Variants in KRABD3 observed in about 807,000 individuals in gnomAD.
The protein encoded by KRABD3 is KRAB domain containing 3.
At chr7:149,717,472 A>G in the KRABD3 span, among the ~76,000 whole-genome samples, 1 of 152,240 alleles carries the variant, frequency 6.6e-6, no homozygotes, top group Non-Finnish European at 1.5e-5. Flanking sequence ...CCAAGATGCT[A>G]GGAAGAAATG....
the KRABD3 span, chr7:149,729,303 C>T: frequency 3.7e-6 from 6 of 1,601,228 alleles, no homozygotes; most frequent in South Asian, 6.8e-5. Context: ...GCGTCCCCGC[C>T]TGCCACCAGC....
At chr7:149,723,759 T>A in the KRABD3 span, 1 of 1,613,736 alleles carries the variant, frequency 6.2e-7, no homozygotes, top group East Asian at 2.2e-5. Context: ...TTTCAGGGGA[T>A]TGTCCCCTCC....
chr7:149,715,286 C>T, the KRABD3 span: 28 of 1,220,558 alleles, frequency 2.3e-5, no homozygotes, highest in African/African-American at 4.2e-4. Flanking sequence ...GGGGAAACCC[C>T]CTTGGCGTGG....
At chr7:149,721,897 A>C in the KRABD3 span, 2 of 426,408 alleles carry the variant, frequency 4.7e-6, no homozygotes, top group East Asian at 5.5e-5. Context: ...AGCAACCCTA[A>C]CTGCAGAGCA....
At chr7:149,728,658 G>A in the KRABD3 span, 1 of 1,613,546 alleles carries the variant, frequency 6.2e-7, no homozygotes, top group Non-Finnish European at 8.5e-7. Flanking sequence ...CCCAGGAACT[G>A]GACAGCAGAC....
At chr7:149,721,587 T>C in the KRABD3 span, 1 of 1,583,290 alleles carries the variant, frequency 6.3e-7, no homozygotes, top group Non-Finnish European at 8.6e-7. Context: ...AAAGCCCTGA[T>C]CGTGGCGTCA....
chr7:149,721,185 T>C, the KRABD3 span, among the ~76,000 whole-genome samples: 1 of 152,192 alleles, frequency 6.6e-6, no homozygotes, highest in Non-Finnish European at 1.5e-5. Flanking sequence ...AGCTCTGACT[T>C]TCGCATGGTG....
At chr7:149,730,561 C>A in the KRABD3 span, 5 of 1,611,674 alleles carry the variant, frequency 3.1e-6, no homozygotes, top group Non-Finnish European at 3.4e-6. Flanking sequence ...GCAGCGGCCT[C>A]GGTGCAGGTG....
chr7:149,730,755 CT>C, the KRABD3 span: 1 of 734,536 alleles, frequency 1.4e-6, no homozygotes. Context: ...GCTGGGGGTG[CT>C]GGTGAGCAGC....
chr7:149,721,545 A>G, the KRABD3 span: 3 of 1,610,322 alleles, frequency 1.9e-6, no homozygotes, highest in South Asian at 3.3e-5. Context: ...AGTGAGTCTG[A>G]CACAGCAGGG....
the KRABD3 span, chr7:149,729,418 G>A: frequency 3.0e-6 from 4 of 1,337,016 alleles, no homozygotes; most frequent in African/African-American, 6.1e-5. Context: ...TTCAGTTAAA[G>A]TGTTTGACAA....
the KRABD3 span, chr7:149,728,553 G>T: frequency 6.2e-7 from 1 of 1,613,558 alleles, no homozygotes; most frequent in African/African-American, 1.3e-5. Flanking sequence ...CCACTGCAGG[G>T]TCTGGAGAAT....
the KRABD3 span, chr7:149,721,342 C>T: frequency 6.4e-7 from 1 of 1,551,084 alleles, no homozygotes. Flanking sequence ...ATGTTAGGGG[C>T]ATCTTACCAG....
At chr7:149,725,375 C>T in the KRABD3 span, 2 of 1,608,034 alleles carry the variant, frequency 1.2e-6, no homozygotes, top group Admixed American at 1.7e-5. Context: ...GGCATTCCCC[C>T]AAATGGGTCG....
chr7:149,721,876 C>T, the KRABD3 span: 15 of 473,414 alleles, frequency 3.2e-5, no homozygotes, highest in Non-Finnish European at 5.2e-5. Context: ...ATCCTTAGAC[C>T]GTCTCATCAC....
the KRABD3 span, among the ~76,000 whole-genome samples, chr7:149,716,876 G>C: frequency 6.6e-6 from 1 of 152,134 alleles, no homozygotes; most frequent in Admixed American, 6.5e-5. Context: ...TCCTGTATTT[G>C]TTTTGTCTTC....
the KRABD3 span, chr7:149,719,667 CTG>C: frequency 6.2e-7 from 1 of 1,606,350 alleles, no homozygotes; most frequent in South Asian, 1.1e-5. This position sits in a 1 kb window ranked among gnomAD's most constrained non-coding sequence, Gnocchi z 5.6. Flanking sequence ...ACGCTGGTCT[CTG>C]TGGGTAAGGA....
the KRABD3 span, chr7:149,723,488 C>T: frequency 1.9e-6 from 1 of 514,058 alleles, no homozygotes; most frequent in South Asian, 2.9e-5. Context: ...CAGCCCACTT[C>T]CTTCAATTTG....
chr7:149,721,314 G>A, the KRABD3 span: 2 of 1,515,972 alleles, frequency 1.3e-6, no homozygotes, highest in African/African-American at 1.4e-5. Flanking sequence ...AAAGGACCCA[G>A]AATGTGACAG....
Sources: gnomAD v4.1 joint callset for allele counts (sites outside exome capture counted in the v4.1 genomes callset) on GRCh38, gnomAD v4.1.1 for gene constraint, Gnocchi (gnomAD v3.1) non-coding constraint, MANE v1.5 for transcripts, NCBI Gene and HGNC (gene_info 2026-07-23, HGNC 2026-07-21) for gene names.